The following OSBPL6 variants were observed in gnomAD, a reference collection of about 807,000 sequenced individuals.
OSBPL6 encodes oxysterol-binding protein-related protein 6.
Under a neutral mutation model 125.8 loss-of-function variants are expected in OSBPL6, and 49 were observed. The observed-to-expected ratio is 0.39, with a 90% CI of 0.31 to 0.49. The LOEUF is 0.49. OSBPL6 is among the 20% of genes least tolerant of loss of function. The pLI, the probability that OSBPL6 is intolerant of heterozygous loss-of-function variation, is 0.88. For synonymous variants in OSBPL6, 394 were observed against 391.8 expected, an observed-to-expected ratio of 1.01 and a Z score of -0.07; for missense variants, 986 against 1,135.4, an observed-to-expected ratio of 0.87 and a Z score of 1.89.
At chr2:178,385,081 GTT>G (rs1444626117) in intron 18 of OSBPL6, among the ~76,000 whole-genome samples, 1 of 152,140 alleles carries the variant, frequency 6.6e-6, no homozygotes, top group Non-Finnish European at 1.5e-5. Context: ...ACTGGGGCCT[GTT>G]GGGGGGTGGC....
intron 1 of OSBPL6, among the ~76,000 whole-genome samples, chr2:178,214,985 A>G (rs1314097340): frequency 6.6e-6 from 1 of 152,098 alleles, no homozygotes; most frequent in Non-Finnish European, 1.5e-5. Context: ...CAATGCCTGG[A>G]TTAGTATTTG....
chr2:178,333,992 T>C (rs1689450938), intron 8 of OSBPL6, among the ~76,000 whole-genome samples: 1 of 152,290 alleles, frequency 6.6e-6, no homozygotes, highest in South Asian at 2.1e-4. Flanking sequence ...CCAAAGTCAG[T>C]GCCCTTTCCA....
At chr2:178,297,729 TTCTG>T (rs1258049579) in intron 2 of OSBPL6, among the ~76,000 whole-genome samples, 1 of 152,196 alleles carries the variant, frequency 6.6e-6, no homozygotes, top group Non-Finnish European at 1.5e-5. Flanking sequence ...GGCGTGACAA[TTCTG>T]TCTAATAGGT....
chr2:178,314,087 G>A (rs570307694), intron 3 of OSBPL6, among the ~76,000 whole-genome samples: 1 of 152,320 alleles, frequency 6.6e-6, no homozygotes, highest in South Asian at 2.1e-4. Context: ...TCCTCCGACT[G>A]AGCCTCTGTA....
chr2:178,287,840 AGC>A (rs1684851624), intron 2 of OSBPL6, among the ~76,000 whole-genome samples: 3 of 152,208 alleles, frequency 2.0e-5, no homozygotes, highest in Non-Finnish European at 4.4e-5. Context: ...TCCTGTTATC[AGC>A]TCCACATTCC....
chr2:178,382,961 C>G (rs1694616202), intron 16 of OSBPL6, 63 bp from the exon 17 acceptor site: 1 of 1,571,612 alleles, frequency 6.4e-7, no homozygotes, highest in African/African-American at 1.4e-5. Flanking sequence ...AAGTTATTTC[C>G]CTTCTTGATT....
chr2:178,329,440 A>G (rs1305247241), intron 5 of OSBPL6, among the ~76,000 whole-genome samples: 1 of 148,146 alleles, frequency 6.8e-6, no homozygotes, highest in Non-Finnish European at 1.5e-5. Context: ...TTTGAGACAG[A>G]GTCTCACTCT....
chr2:178,337,621 C>T (rs1349735882), intron 9 of OSBPL6, among the ~76,000 whole-genome samples: 1 of 152,186 alleles, frequency 6.6e-6, no homozygotes, highest in African/African-American at 2.4e-5. Flanking sequence ...TCTACCATCT[C>T]AGTAAGCAGG....
intron 12 of OSBPL6, among the ~76,000 whole-genome samples, chr2:178,355,439 A>T (rs1340390315): frequency 6.6e-6 from 1 of 152,246 alleles, no homozygotes; most frequent in Non-Finnish European, 1.5e-5. Context: ...ACAAACTGCC[A>T]TCAGAGAATA....
intron 1 of OSBPL6, among the ~76,000 whole-genome samples, chr2:178,255,756 A>G (rs1398536043): frequency 6.6e-6 from 1 of 152,212 alleles, no homozygotes; most frequent in Non-Finnish European, 1.5e-5. Context: ...GGGGAGGAGA[A>G]TGACAGAATG....
chr2:178,347,692 C>T (rs1690855550), intron 11 of OSBPL6, among the ~76,000 whole-genome samples: 1 of 152,150 alleles, frequency 6.6e-6, no homozygotes, highest in African/African-American at 2.4e-5. Flanking sequence ...TCTTAAATGG[C>T]TTATTGGCCA....
At chr2:178,303,781 A>T (rs887329541) in intron 2 of OSBPL6, among the ~76,000 whole-genome samples, 1 of 152,036 alleles carries the variant, frequency 6.6e-6, no homozygotes, top group African/African-American at 2.4e-5. Context: ...TGCCTCCCCG[A>T]CCATGTCCAG....
intron 1 of OSBPL6, among the ~76,000 whole-genome samples, chr2:178,255,056 C>T (rs553722581): frequency 6.3e-4 from 96 of 152,186 alleles, no homozygotes; most frequent in Non-Finnish European, 1.2e-3. Flanking sequence ...GTAATCCTAG[C>T]GCTTTGGGAG....
intron 1 of OSBPL6, among the ~76,000 whole-genome samples, chr2:178,276,547 A>G (rs2092473449): frequency 6.6e-6 from 1 of 151,720 alleles, no homozygotes; most frequent in Non-Finnish European, 1.5e-5. Flanking sequence ...TAATTTTTGT[A>G]TTTTTAGTAG....
At chr2:178,330,446 T>G (rs1225163295) in intron 5 of OSBPL6, among the ~76,000 whole-genome samples, 1 of 152,186 alleles carries the variant, frequency 6.6e-6, no homozygotes, top group African/African-American at 2.4e-5. Context: ...GTCAGCCCAT[T>G]TGATTGACCA....
intron 15 of OSBPL6, 114 bp from the exon 16 acceptor site, chr2:178,382,306 C>T: frequency 1.5e-6 from 2 of 1,314,902 alleles, no homozygotes; most frequent in Non-Finnish European, 2.0e-6. Flanking sequence ...ACTTTTCCCT[C>T]TAGGACCTCT....
chr2:178,374,153 T>C (rs574002529), intron 15 of OSBPL6, 126 bp downstream of exon 15: 1 of 1,173,050 alleles, frequency 8.5e-7, no homozygotes, highest in Non-Finnish European at 1.2e-6. Context: ...CATAGTAAAA[T>C]GTCCAAATTG....
rs56002997 is a variant in OSBPL6, at chr2:178,312,526, G to A, written c.102+6240G>A. ...GCTGGAGTGCAGTGGCACAATCTCA[G>A]CTCTTTGCAACCTCCGCCTCCCAGG... On this transcript the variant is annotated intron_variant, in intron 3 of 24. Transcript: ENST00000190611. Among the ~76,000 whole-genome samples the A allele has an allele frequency of 0.015, 2,258 of 151,852 alleles. 89 individuals are homozygous for A. In the East Asian group the frequency reaches 0.18, roughly 12 times the overall value.
chr2:178,382,183 C>A (rs1468466933), intron 15 of OSBPL6, among the ~76,000 whole-genome samples: 1 of 152,172 alleles, frequency 6.6e-6, no homozygotes, highest in African/African-American at 2.4e-5. Context: ...TTACTGGTCT[C>A]CCCTGCCCTC....
Sources: allele counts gnomAD v4.1 joint callset (sites outside exome capture counted in the v4.1 genomes callset), GRCh38; gene constraint gnomAD v4.1.1; transcripts MANE v1.5; gene names NCBI Gene and HGNC (gene_info 2026-07-23, HGNC 2026-07-21).